The following RHOBTB2 variants were observed in gnomAD, a reference collection of about 807,000 sequenced individuals.
RHOBTB2 encodes the protein Rho related BTB domain containing 2.
In RHOBTB2, 39 loss-of-function variants were observed where a neutral mutation model predicts 66.5. That is an observed-to-expected ratio of 0.59 (90% CI 0.45 to 0.77). The LOEUF (loss-of-function observed/expected upper bound fraction) is 0.77, where lower values mean the gene tolerates loss of function less well. RHOBTB2 is among the 30% of genes least tolerant of loss of function. The probability of loss-of-function intolerance (pLI) is 0.00; values close to 1 mark genes in which losing one functional copy is unlikely to be tolerated. For missense variants in RHOBTB2, 755 were observed against 999.1 expected, an observed-to-expected ratio of 0.76 and a Z score of 3.29; for synonymous variants, 390 against 395.0, an observed-to-expected ratio of 0.99 and a Z score of 0.15.
Position 23,009,339 on chromosome 8 carries a change from A to G in RHOBTB2, c.1621-1199A>G, listed in dbSNP as rs1051475505. 3.2e-4 allele frequency among the ~76,000 whole-genome samples: 48 copies of G among 152,242 alleles called. 1 individual carries two copies. The highest frequency in any genetic ancestry group is 1.1e-3 in the African/African-American group (44 of 41,542). ...ACTTAGGGTTGGAAGAAGCCTATCA[A>G]TGTGTCCTTAGAAATATTCTCTTAG... is the stretch of plus-strand genomic sequence containing the variant. On this transcript the variant is annotated intron_variant, in intron 6 of 9. Transcript: ENST00000251822.
chr8:22,980,585 A>G, the RHOBTB2 span, among the ~76,000 whole-genome samples: 1 of 152,236 alleles, frequency 6.6e-6, no homozygotes, highest in East Asian at 1.9e-4. Context: ...GTGTGAAGAG[A>G]AATAAGAATT....
the RHOBTB2 span, among the ~76,000 whole-genome samples, chr8:22,974,607 C>A: frequency 6.6e-6 from 1 of 152,190 alleles, no homozygotes; most frequent in Admixed American, 6.5e-5. Flanking sequence ...GATTTCGGTT[C>A]CCTGAAGGCC....
chr8:22,999,266 A>C, upstream of RHOBTB2: 1 of 155,144 alleles, frequency 6.4e-6, no homozygotes. Context: ...GTGCACTAGG[A>C]TGCCTCTCAG....
At chr8:22,977,334 A>G in the RHOBTB2 span, among the ~76,000 whole-genome samples, 1 of 152,022 alleles carries the variant, frequency 6.6e-6, no homozygotes, top group Non-Finnish European at 1.5e-5. Context: ...ATTCTCATCA[A>G]TTTGGGAGGG....
chr8:23,003,123 CAG>C (rs1479539770), intron 1 of RHOBTB2, among the ~76,000 whole-genome samples: 1 of 152,222 alleles, frequency 6.6e-6, no homozygotes, highest in African/African-American at 2.4e-5. Context: ...AAAGCCCCCC[CAG>C]ACGACTTTCA....
chr8:22,999,464 G>C, upstream of RHOBTB2: 4 of 757,828 alleles, frequency 5.3e-6, no homozygotes, highest in Non-Finnish European at 6.6e-6. Context: ...GGCGGGATCT[G>C]CGGGGCGTCC....
the RHOBTB2 span, among the ~76,000 whole-genome samples, chr8:22,973,292 G>A: frequency 3.9e-5 from 6 of 152,244 alleles, no homozygotes; most frequent in African/African-American, 7.2e-5. Flanking sequence ...GCAGTGGCCC[G>A]ATCATCGCTC....
chr8:22,998,672 A>G (rs1045375436), upstream of RHOBTB2, among the ~76,000 whole-genome samples: 30 of 140,712 alleles, frequency 2.1e-4, no homozygotes, highest in Non-Finnish European at 2.1e-4. Flanking sequence ...CGGAGGTTGC[A>G]GTGAACCAAG....
At chr8:22,956,975 T>G in the RHOBTB2 span, among the ~76,000 whole-genome samples, 1 of 152,182 alleles carries the variant, frequency 6.6e-6, no homozygotes, top group Admixed American at 6.5e-5. Flanking sequence ...TATTTCTTTA[T>G]AGCAGTGTGA....
At chr8:22,983,241 T>G (rs1159756083), upstream of RHOBTB2, among the ~76,000 whole-genome samples, 1 of 151,494 alleles carries the variant, frequency 6.6e-6, no homozygotes, top group Non-Finnish European at 1.5e-5. Context: ...GCTTGCCATG[T>G]GTAAAGGGGG....
At chr8:22,971,358 T>C in the RHOBTB2 span, among the ~76,000 whole-genome samples, 1 of 151,672 alleles carries the variant, frequency 6.6e-6, no homozygotes, top group Non-Finnish European at 1.5e-5. Context: ...CTATTTTTTT[T>C]TTTTTAAGTA....
upstream of RHOBTB2, chr8:22,994,658 C>T (rs1810500060): frequency 1.3e-6 from 2 of 1,542,786 alleles, no homozygotes; most frequent in Non-Finnish European, 1.8e-6. Context: ...CTACTGTGTA[C>T]TGTGCTCTCC....
In RHOBTB2 at chr8:23,006,315, T is replaced by C. The variant is rs1406014212; in HGVS notation, c.482+170T>C. The C allele has an allele frequency of 3.2e-6, 2 of 620,296 alleles. No individual in the cohort carries two copies. Among genetic ancestry groups the C allele is most frequent in the East Asian group, 5.4e-5 (2 of 36,736 alleles). The allele number at this position is 620,296 out of a possible 1,614,324, so 38.4% of individuals were successfully genotyped here. ...TTCATTCATTCATTCATATACCTGTTGCACACCTCTGGTGTGGGCAGTGCT... is the reference window on the plus strand; with the variant it reads ...TTCATTCATTCATTCATATACCTGTCGCACACCTCTGGTGTGGGCAGTGCT... On this transcript the variant is annotated intron_variant, in intron 4 of 9. Coordinates refer to ENST00000251822, the MANE Select transcript of RHOBTB2 (RefSeq NM_015178.3). The surrounding 1 kb of genome is among the most constrained non-coding windows in gnomAD (Gnocchi z 6.1).
At position 23,017,617 on chromosome 8, in the gene RHOBTB2, G is replaced by T. The variant is rs1462888440; in HGVS notation, c.*148G>T. On this transcript the variant is annotated 3_prime_UTR_variant, in exon 10 of 10. Transcript: ENST00000251822. This position sits in a 1 kb window ranked among gnomAD's most constrained non-coding sequence, Gnocchi z 5.3. ...GGTGGAGCTCTTCTTACCAGCCACCGTGGCTCAGCCAGAGAGGAGCTGAGC... is the reference window on the plus strand; with the variant it reads ...GGTGGAGCTCTTCTTACCAGCCACCTTGGCTCAGCCAGAGAGGAGCTGAGC... 3.1e-6 allele frequency: 4 copies of T among 1,308,180 alleles called. No individual in the cohort carries two copies. Among genetic ancestry groups the T allele is most frequent in the Non-Finnish European group, 4.1e-6 (4 of 969,130 alleles). 81.0% of individuals were successfully genotyped at this position (1,308,180 alleles called of 1,614,324 possible).
At chr8:22,952,128 A>G in the RHOBTB2 span, among the ~76,000 whole-genome samples, 1 of 152,256 alleles carries the variant, frequency 6.6e-6, no homozygotes, top group East Asian at 1.9e-4. Flanking sequence ...TAGAACCTCC[A>G]TAGCCAGAAC....
the RHOBTB2 span, among the ~76,000 whole-genome samples, chr8:22,976,541 A>G: frequency 9.9e-5 from 15 of 152,236 alleles, no homozygotes; most frequent in Non-Finnish European, 2.1e-4. Context: ...GAAAAATAAA[A>G]GAGAGTGATC....
At chr8:22,957,665 G>C in the RHOBTB2 span, among the ~76,000 whole-genome samples, 1 of 152,200 alleles carries the variant, frequency 6.6e-6, no homozygotes, top group African/African-American at 2.4e-5. Context: ...CAGGGCACAG[G>C]GGGAAGGTTT....
At chr8:23,007,868 A>G (rs1585192540) in intron 5 of RHOBTB2, 122 bp downstream of exon 5, 2 of 1,499,334 alleles carry the variant, frequency 1.3e-6, no homozygotes. Flanking sequence ...GGTTTTCCCC[A>G]GCTGGGAGCG....
the RHOBTB2 span, among the ~76,000 whole-genome samples, chr8:22,960,309 C>T: frequency 1.7e-3 from 259 of 149,930 alleles, no homozygotes; most frequent in African/African-American, 6.2e-3. Flanking sequence ...GCCCTCCCCT[C>T]CCCTCCCCTC....
Sources: allele counts gnomAD v4.1 joint callset (sites outside exome capture counted in the v4.1 genomes callset), GRCh38; gene constraint gnomAD v4.1.1; non-coding constraint Gnocchi (gnomAD v3.1); transcripts MANE v1.5; gene names NCBI Gene and HGNC (gene_info 2026-07-23, HGNC 2026-07-21).